Variants in MTCL1 observed in about 807,000 individuals in gnomAD.
The protein encoded by MTCL1 is microtubule crosslinking factor 1.
Under a neutral mutation model 141.4 loss-of-function variants are expected in MTCL1, and 79 were observed. That is an observed-to-expected ratio of 0.56 (90% confidence interval 0.47 to 0.67). The LOEUF (loss-of-function observed/expected upper bound fraction) is 0.67. Among genes scored for constraint, MTCL1 ranks in the 30% least tolerant of loss-of-function variants. MTCL1 has a pLI of 0.00. For missense variants in MTCL1, 2,177 were observed against 2,113.9 expected (o/e 1.03, Z -0.59); for synonymous variants, 914 against 875.8 (o/e 1.04, Z -0.77).
intron 4 of MTCL1, among the ~76,000 whole-genome samples, chr18:8,768,323 G>T (rs1444425352): frequency 1.3e-5 from 2 of 152,128 alleles, no homozygotes; most frequent in Non-Finnish European, 2.9e-5. Flanking sequence ...CTAAATTTTT[G>T]TTTATATCTT....
intron 1 of MTCL1, among the ~76,000 whole-genome samples, chr18:8,709,089 C>T (rs2096073015): frequency 6.6e-6 from 1 of 152,204 alleles, no homozygotes; most frequent in African/African-American, 2.4e-5. Flanking sequence ...TCAGGGACCC[C>T]CTGTGGCAGA....
At position 8,756,998 on chromosome 18, in the gene MTCL1, C is replaced by T. The variant is rs138213580; in HGVS notation, c.358-20835C>T. Among the ~76,000 whole-genome samples the T allele has an allele frequency of 3.2e-3, 493 of 152,254 alleles. 1 individual carries two copies. The highest frequency in any genetic ancestry group is 0.011 in the African/African-American group (461 of 41,544). ...TGAGTGAGGGGAGCAGCATTAGCAC[C>T]GTGGAACTGTCAGCCAGAGAGCTAC... On this transcript the variant is annotated intron_variant, in intron 4 of 16. Coordinates refer to ENST00000359865, the Ensembl canonical transcript of MTCL1.
chr18:8,806,926 A>G (rs1400791854), exon 11 of MTCL1: 1 of 1,613,742 alleles, frequency 6.2e-7, no homozygotes, highest in Non-Finnish European at 8.5e-7. Context: ...CAGCGCCTTC[A>G]AGGCCTTGCT....
intron 4 of MTCL1, among the ~76,000 whole-genome samples, chr18:8,770,084 T>C (rs2096478654): frequency 6.6e-6 from 1 of 152,136 alleles, no homozygotes; most frequent in South Asian, 2.1e-4. Context: ...AGCCCAAATA[T>C]GGGCGATTGG....
In MTCL1 at chr18:8,831,741, C is replaced by A. The variant is rs1476303482; in HGVS notation, c.*153C>A. On this transcript the variant is annotated 3_prime_UTR_variant, in exon 17 of 17. Coordinates refer to ENST00000359865, the Ensembl canonical transcript of MTCL1. ...CCTCACAGCCTCAGTCACCCGGAGA[C>A]CCGACGTCCTTGGAGGAGCATGGTG... The A allele has an allele frequency of 2.6e-6, 4 of 1,550,542 alleles. No homozygotes were observed. The Admixed American group carries it at 5.9e-5, about 23-fold the overall frequency.
chr18:8,822,277 G>GGGTTGGTTGGTT lies in MTCL1; in HGVS notation c.3188+797_3188+808dup, dbSNP rs368659793. 0.019 allele frequency among the ~76,000 whole-genome samples: 2,855 copies of GGGTTGGTTGGTT among 152,062 alleles called. 81 individuals carry two copies. The highest frequency in any genetic ancestry group is 0.055 in the African/African-American group (2,269 of 41,426). On this transcript the variant is annotated intron_variant, in intron 14 of 16. Coordinates refer to ENST00000359865, the Ensembl canonical transcript of MTCL1. The surrounding 1 kb of genome is among the most constrained non-coding windows in gnomAD (Gnocchi z 4.6). ...CTCAGGCTCTAGAGCCAAACTGCCT[G>GGGTTGGTTGGTT]GGTTGGTTGGTTGGTTGGTTGGTTG...
intron 15 of MTCL1, 124 bp downstream of exon 14, chr18:8,826,356 G>A: frequency 1.0e-6 from 1 of 964,058 alleles, no homozygotes; most frequent in Middle Eastern, 3.2e-4. Flanking sequence ...TTGGTTATTG[G>A]GAGCTGGGGA....
At chr18:8,778,346 C>CT (rs1248221951) in intron 5 of MTCL1, among the ~76,000 whole-genome samples, 1 of 152,202 alleles carries the variant, frequency 6.6e-6, no homozygotes. Flanking sequence ...GTAAAATATT[C>CT]TCAGCCTTTT....
intron 4 of MTCL1, among the ~76,000 whole-genome samples, chr18:8,764,653 G>T (rs972079353): frequency 1.3e-5 from 2 of 151,822 alleles, no homozygotes; most frequent in African/African-American, 4.8e-5. Context: ...TAAGGAAATT[G>T]AGACCACAGG....
Position 8,819,025 on chromosome 18 carries a change from C to A in MTCL1, c.2922C>A (p.Asn974Lys), listed in dbSNP as rs142108234. The A allele has an allele frequency of 2.9e-5, 47 of 1,614,264 alleles. No individual in the cohort carries two copies. In the African/African-American group the frequency reaches 6.0e-4, roughly 21 times the overall value. The change falls in exon 13 of 17, where the codon AAC (asparagine) becomes AAA (lysine). Residue 974 changes from asparagine to lysine, a missense_variant. By Grantham distance (94) the Asn-to-Lys change is moderately conservative. Coordinates refer to ENST00000359865, the Ensembl canonical transcript of MTCL1. ...TCCTCTGTGATCAAAAAGACGGCAA[C>A]GTTCGCCCCTTTCCCCACCAGGGAA...
chr18:8,730,627 G>A lies in MTCL1; in HGVS notation c.357+10131G>A, dbSNP rs1347462947. Among the ~76,000 whole-genome samples the A allele has an allele frequency of 2.6e-5, 4 of 152,160 alleles. No homozygotes were observed. In the South Asian group the frequency reaches 6.2e-4, roughly 24 times the overall value. The stretch of plus-strand genomic sequence containing the variant: ...CTCCTCGCTGGGCTTGGACAACGCC[G>A]GCTTGTCCCCTGTGCGCTGTACAGC... On this transcript the variant is annotated intron_variant, in intron 4 of 16. Transcript: ENST00000359865.
chr18:8,825,769 G>A (rs146773283), exon 15 of MTCL1: 7 of 1,614,088 alleles, frequency 4.3e-6, no homozygotes, highest in Non-Finnish European at 5.9e-6. Flanking sequence ...AAAGGGTACA[G>A]TGAGTCAGCC....
chr18:8,786,028 C>G (rs2096552689), exon 7 of MTCL1: 3 of 1,607,210 alleles, frequency 1.9e-6, no homozygotes, highest in Non-Finnish European at 2.5e-6. Context: ...GGGAGCTGCA[C>G]CGCCGCGCAG....
chr18:8,784,220 G>A (rs764597760), exon 6 of MTCL1: 6 of 1,611,298 alleles, frequency 3.7e-6, no homozygotes, highest in South Asian at 1.1e-5. Context: ...CCAGCGCTGC[G>A]ACCTGGCAGC....
chr18:8,791,285 G>A (rs1053793471), intron 7 of MTCL1, among the ~76,000 whole-genome samples: 2 of 152,052 alleles, frequency 1.3e-5, no homozygotes, highest in East Asian at 3.9e-4. Flanking sequence ...ATCAGGAGTG[G>A]GAGGACTGAA....
chr18:8,818,815 TA>T (rs1295533731), intron 12 of MTCL1, 147 bp from the exon 12 acceptor site: 190 of 869,836 alleles, frequency 2.2e-4, no homozygotes, highest in Middle Eastern at 2.7e-4. Flanking sequence ...ATTTTGAAAT[TA>T]AGATCAGAAC....
chr18:8,825,253 A>G lies in MTCL1; in HGVS notation c.3743A>G (p.Asp1248Gly), dbSNP rs541044551. 6.9e-6 allele frequency: 11 copies of G among 1,590,750 alleles called. No individual in the cohort carries two copies. The East Asian group carries it at 2.5e-4, about 36-fold the overall frequency. Residue 1248 changes from aspartate to glycine, a missense_variant, in exon 15 of 17, where the codon GAC (aspartate) becomes GGC (glycine). Asp to Gly is a moderately conservative substitution (Grantham distance 94). Transcript: ENST00000359865. ...TGCACCTCCCCCAGGCACTCCCGGG[A>G]CTATGTGGAGGGGGCACGGCGCCCC...
chr18:8,772,674 AAG>A (rs2096489633), intron 4 of MTCL1, among the ~76,000 whole-genome samples: 1 of 151,326 alleles, frequency 6.6e-6, no homozygotes, highest in African/African-American at 2.4e-5. Flanking sequence ...ATAACATAAA[AAG>A]TATGTTATAT....
chr18:8,756,729 C>T (rs1567984524), intron 4 of MTCL1, among the ~76,000 whole-genome samples: 1 of 152,124 alleles, frequency 6.6e-6, no homozygotes, highest in Non-Finnish European at 1.5e-5. Context: ...CAGAATCCAG[C>T]CATTGTCAGT....
Sources: gnomAD v4.1 joint callset for allele counts (sites outside exome capture counted in the v4.1 genomes callset) on GRCh38, gnomAD v4.1.1 for gene constraint, Gnocchi (gnomAD v3.1) non-coding constraint, MANE v1.5 for transcripts, NCBI Gene and HGNC (gene_info 2026-07-23, HGNC 2026-07-21) for gene names.